The following AUTS2 variants were observed in gnomAD, a reference collection of about 807,000 sequenced individuals.
AUTS2 encodes activator of transcription and developmental regulator AUTS2.
AUTS2 carries 17 observed loss-of-function variants against 112.4 expected under a neutral mutation model. The ratio of observed to expected loss-of-function variants is 0.15; its 90% confidence interval spans 0.10 to 0.23. AUTS2 has a LOEUF of 0.23. AUTS2 is among the 10% of genes least tolerant of loss of function. The pLI is 1.00. For missense variants in AUTS2, 1,510 were observed against 1,701.6 expected (o/e 0.89, Z 1.98); for synonymous variants, 751 against 702.7 (o/e 1.07, Z -1.09).
chr7:70,078,285 C>T (rs1803134076), intron 2 of AUTS2, among the ~76,000 whole-genome samples: 1 of 152,096 alleles, frequency 6.6e-6, no homozygotes, highest in African/African-American at 2.4e-5. Flanking sequence ...GTAGCATATA[C>T]ACCATGCTGG....
At chr7:70,772,451 TA>T (rs1790414869) in intron 11 of AUTS2, among the ~76,000 whole-genome samples, 1 of 152,212 alleles carries the variant, frequency 6.6e-6, no homozygotes, top group African/African-American at 2.4e-5. Flanking sequence ...CACACAAAAA[TA>T]AAAAGAGCCG....
intron 5 of AUTS2, among the ~76,000 whole-genome samples, chr7:70,467,428 C>T (rs931488554): frequency 2.0e-5 from 3 of 152,144 alleles, no homozygotes; most frequent in African/African-American, 7.2e-5. Flanking sequence ...GGGATGAGAC[C>T]TAGGATCAAA....
chr7:70,719,998 C>T (rs1364242884), intron 6 of AUTS2, among the ~76,000 whole-genome samples: 2 of 152,170 alleles, frequency 1.3e-5, no homozygotes, highest in Non-Finnish European at 2.9e-5. Context: ...CAAGTACAAG[C>T]ATCTCTTTTG....
chr7:69,748,842 C>G (rs1348802390), intron 1 of AUTS2, among the ~76,000 whole-genome samples: 3 of 152,034 alleles, frequency 2.0e-5, no homozygotes, highest in Non-Finnish European at 4.4e-5. Flanking sequence ...TGTCAGAGAG[C>G]TCTTGTCAAG....
intron 5 of AUTS2, among the ~76,000 whole-genome samples, chr7:70,468,491 C>G (rs1264944771): frequency 1.3e-5 from 2 of 152,180 alleles, no homozygotes; most frequent in Non-Finnish European, 2.9e-5. Context: ...TTTTCCTGAC[C>G]TGGACAAGTT....
At chr7:70,254,894 CTG>C (rs751319417) in intron 4 of AUTS2, among the ~76,000 whole-genome samples, 36 of 152,128 alleles carry the variant, frequency 2.4e-4, no homozygotes, top group East Asian at 9.7e-4. Context: ...AATCCTAAAA[CTG>C]GTTAGTGGTA....
At chr7:70,789,656 T>G in intron 18 of AUTS2, 92 bp from the exon 19 acceptor site, 1 of 1,464,008 alleles carries the variant, frequency 6.8e-7, no homozygotes, top group East Asian at 2.3e-5. Context: ...CAGCCTGTCC[T>G]CTTCACACCA....
intron 1 of AUTS2, among the ~76,000 whole-genome samples, chr7:69,689,343 A>ATTTTTTTT (rs530444257): frequency 4.1e-4 from 42 of 102,494 alleles, no homozygotes; most frequent in Non-Finnish European, 6.2e-4. Context: ...TAATTAATTA[A>ATTTTTTTT]TTTTTTTTTT....
intron 4 of AUTS2, among the ~76,000 whole-genome samples, chr7:70,237,799 A>G (rs1562810880): frequency 1.3e-5 from 2 of 152,210 alleles, no homozygotes; most frequent in Non-Finnish European, 2.9e-5. Flanking sequence ...TGTCATTTTA[A>G]TGAAAATCCA....
chr7:70,265,561 G>C (rs999758086), intron 4 of AUTS2, among the ~76,000 whole-genome samples: 2 of 152,106 alleles, frequency 1.3e-5, no homozygotes, highest in Admixed American at 6.5e-5. Context: ...CAAATGGGAT[G>C]TCATTCTTTG....
At chr7:69,687,117 C>T (rs1224862244) in intron 1 of AUTS2, among the ~76,000 whole-genome samples, 1 of 152,140 alleles carries the variant, frequency 6.6e-6, no homozygotes, top group East Asian at 1.9e-4. Flanking sequence ...ACATACAAGT[C>T]TCATTATTGG....
chr7:70,667,065 T>C (rs1219188414), intron 5 of AUTS2, among the ~76,000 whole-genome samples: 3 of 152,160 alleles, frequency 2.0e-5, no homozygotes, highest in Non-Finnish European at 4.4e-5. Flanking sequence ...GACCTGACTT[T>C]GTGCAAACAC....
intron 4 of AUTS2, among the ~76,000 whole-genome samples, chr7:70,205,860 T>C (rs1810547563): frequency 6.6e-6 from 1 of 152,150 alleles, no homozygotes; most frequent in Admixed American, 6.5e-5. Flanking sequence ...TAGCATAAGC[T>C]TTAAGAGGAG....
chr7:70,703,559 T>C (rs987452647), intron 6 of AUTS2, among the ~76,000 whole-genome samples: 1 of 150,550 alleles, frequency 6.6e-6, no homozygotes, highest in African/African-American at 2.4e-5. Flanking sequence ...TGCAGTTGAC[T>C]GTGGAATAGC....
chr7:69,976,671 T>C (rs1482747176), intron 2 of AUTS2, among the ~76,000 whole-genome samples: 1 of 152,214 alleles, frequency 6.6e-6, no homozygotes, highest in Non-Finnish European at 1.5e-5. Context: ...TCTCAATAGA[T>C]CTGAGGGGAT....
intron 1 of AUTS2, among the ~76,000 whole-genome samples, chr7:69,778,772 G>A (rs1486478501): frequency 6.6e-6 from 1 of 152,126 alleles, no homozygotes; most frequent in Admixed American, 6.5e-5. Context: ...TTCCCATTCA[G>A]CGTGAGCTAA....
chr7:70,496,230 T>C (rs1215623551), intron 5 of AUTS2, among the ~76,000 whole-genome samples: 3 of 60,366 alleles, frequency 5.0e-5, no homozygotes, highest in African/African-American at 7.1e-5. Context: ...ACACACCACG[T>C]ACACAGTCAC....
chr7:69,614,314 C>CTTTCTTTCTTTCTTTCTTTCTTTCTT (rs1468098088), intron 1 of AUTS2, among the ~76,000 whole-genome samples: 2 of 83,320 alleles, frequency 2.4e-5, no homozygotes, highest in Non-Finnish European at 4.9e-5. Context: ...CACTCTCCGT[C>CTTTCTTTCTTTCTTTCTTTCTTTCTT]TCTTTCTTTC....
chr7:70,508,907 T>C (rs1308348753), intron 5 of AUTS2, among the ~76,000 whole-genome samples: 2 of 152,228 alleles, frequency 1.3e-5, no homozygotes, highest in Non-Finnish European at 2.9e-5. Context: ...TTGAGTCTTA[T>C]TCAGAACTGA....
Sources: gnomAD v4.1 joint callset for allele counts (sites outside exome capture counted in the v4.1 genomes callset) on GRCh38, gnomAD v4.1.1 for gene constraint, MANE v1.5 for transcripts, NCBI Gene and HGNC (gene_info 2026-07-23, HGNC 2026-07-21) for gene names.